The following ASIC2 variants were observed in gnomAD, a reference collection of about 807,000 sequenced individuals.
ASIC2 encodes the protein acid sensing ion channel subunit 2, also known as acid-sensing ion channel 2.
Under a neutral mutation model 57.3 loss-of-function variants are expected in ASIC2, and 25 were observed. That is an observed-to-expected ratio of 0.44 (90% confidence interval 0.32 to 0.61). The LOEUF is 0.61. Ranked by LOEUF, ASIC2 falls within the 20% of genes least tolerant of loss-of-function variation. The probability of loss-of-function intolerance (pLI) is 0.06; values close to 1 mark genes in which losing one functional copy is unlikely to be tolerated. For synonymous variants in ASIC2, 319 were observed against 307.5 expected (o/e 1.04, Z -0.39); for missense variants, 641 against 738.1 (o/e 0.87, Z 1.52).
At chr17:33,092,313 C>T (rs887607568) in intron 2 of ASIC2, among the ~76,000 whole-genome samples, 1 of 152,270 alleles carries the variant, frequency 6.6e-6, no homozygotes, top group Non-Finnish European at 1.5e-5. Flanking sequence ...AAGAGCAGCT[C>T]CCTGCAGTCC....
At chr17:33,663,280 C>T (rs187173136) in intron 1 of ASIC2, among the ~76,000 whole-genome samples, 11 of 152,184 alleles carry the variant, frequency 7.2e-5, no homozygotes, top group Admixed American at 6.5e-4. Flanking sequence ...AAATCCTTGC[C>T]CTTTTGCCTA....
At chr17:33,458,831 A>G (rs1912538309) in intron 1 of ASIC2, among the ~76,000 whole-genome samples, 1 of 152,210 alleles carries the variant, frequency 6.6e-6, no homozygotes, top group African/African-American at 2.4e-5. Flanking sequence ...AAGTATAAGA[A>G]CATAATATCT....
chr17:33,107,992 T>G (rs1790547733), intron 2 of ASIC2, among the ~76,000 whole-genome samples: 1 of 152,212 alleles, frequency 6.6e-6, no homozygotes, highest in South Asian at 2.1e-4. Flanking sequence ...CTGGAGTGTT[T>G]TTTTTGACCA....
At chr17:33,689,610 T>C (rs1004892346) in intron 1 of ASIC2, among the ~76,000 whole-genome samples, 14 of 152,192 alleles carry the variant, frequency 9.2e-5, no homozygotes, top group African/African-American at 3.4e-4. Flanking sequence ...ATTGAGATGA[T>C]TCCCCCTCAC....
intron 1 of ASIC2, among the ~76,000 whole-genome samples, chr17:34,010,690 T>C (rs1216825379): frequency 6.6e-6 from 1 of 150,826 alleles, no homozygotes; most frequent in Non-Finnish European, 1.5e-5. Flanking sequence ...CACAGGGATA[T>C]ACACAGACAT....
chr17:33,180,310 T>C (rs1468517189), intron 1 of ASIC2, among the ~76,000 whole-genome samples: 1 of 152,182 alleles, frequency 6.6e-6, no homozygotes, highest in Non-Finnish European at 1.5e-5. Context: ...ACCAGAACTA[T>C]CCCAGGCCTC....
intron 1 of ASIC2, among the ~76,000 whole-genome samples, chr17:33,124,712 G>A (rs889268589): frequency 1.3e-5 from 2 of 152,180 alleles, no homozygotes; most frequent in Middle Eastern, 3.2e-3. Flanking sequence ...AGAAGGGGGC[G>A]ATGGTTTCGG....
chr17:33,192,291 G>A (rs1275610332), intron 1 of ASIC2, among the ~76,000 whole-genome samples: 2 of 152,144 alleles, frequency 1.3e-5, no homozygotes, highest in Non-Finnish European at 2.9e-5. Flanking sequence ...GCTGAGGCAG[G>A]AGAATTGCTT....
intron 1 of ASIC2, among the ~76,000 whole-genome samples, chr17:33,886,499 T>C (rs1377975530): frequency 6.6e-6 from 1 of 152,114 alleles, no homozygotes; most frequent in East Asian, 1.9e-4. Flanking sequence ...CATGCAATCC[T>C]CATTCAAACA....
intron 1 of ASIC2, among the ~76,000 whole-genome samples, chr17:34,073,404 T>C (rs769989624): frequency 8.5e-5 from 13 of 152,198 alleles, no homozygotes; most frequent in Admixed American, 2.6e-4. Context: ...AAAGTAGAGA[T>C]AGGTTTTGTT....
At chr17:33,362,836 C>G (rs943811847) in intron 1 of ASIC2, among the ~76,000 whole-genome samples, 4 of 152,196 alleles carry the variant, frequency 2.6e-5, no homozygotes, top group African/African-American at 9.6e-5. Context: ...ACTGAATAAG[C>G]AAATGAATGG....
intron 1 of ASIC2, among the ~76,000 whole-genome samples, chr17:33,946,592 T>G (rs574947247): frequency 6.6e-6 from 1 of 152,196 alleles, no homozygotes; most frequent in Non-Finnish European, 1.5e-5. Context: ...GAACGAGACA[T>G]GTTCACTGCC....
intron 1 of ASIC2, among the ~76,000 whole-genome samples, chr17:33,625,123 C>CTT: frequency 1.1e-5 from 1 of 90,564 alleles, no homozygotes; most frequent in Admixed American, 1.1e-4. Context: ...ACAATGTGGC[C>CTT]TCTCTGTCTA....
At chr17:34,029,083 C>G (rs1271830420) in intron 1 of ASIC2, among the ~76,000 whole-genome samples, 1 of 152,142 alleles carries the variant, frequency 6.6e-6, no homozygotes, top group Admixed American at 6.5e-5. Context: ...CTACCTCCCC[C>G]ACAACACCAA....
intron 1 of ASIC2, among the ~76,000 whole-genome samples, chr17:34,015,427 C>A (rs930491800): frequency 6.6e-6 from 1 of 152,160 alleles, no homozygotes; most frequent in African/African-American, 2.4e-5. Context: ...GATTCCAGGC[C>A]AAAGAATGTT....
intron 1 of ASIC2, among the ~76,000 whole-genome samples, chr17:33,628,772 T>A (rs1210976440): frequency 6.6e-6 from 1 of 152,176 alleles, no homozygotes; most frequent in Admixed American, 6.5e-5. Context: ...AATTATTACC[T>A]CCATCTAATA....
chr17:33,366,965 A>G (rs1275109650), intron 1 of ASIC2, among the ~76,000 whole-genome samples: 1 of 152,244 alleles, frequency 6.6e-6, no homozygotes, highest in Non-Finnish European at 1.5e-5. Flanking sequence ...TGTTTCGTGG[A>G]CTAAGCATTC....
chr17:33,625,796 A>T (rs138216786), intron 1 of ASIC2, among the ~76,000 whole-genome samples: 120 of 151,650 alleles, frequency 7.9e-4, no homozygotes, highest in African/African-American at 2.8e-3. Flanking sequence ...CTGGAGAGAG[A>T]GTGGGAAATC....
At chr17:33,375,989 G>A (rs970814461) in intron 1 of ASIC2, among the ~76,000 whole-genome samples, 3 of 152,172 alleles carry the variant, frequency 2.0e-5, no homozygotes, top group Non-Finnish European at 4.4e-5. Flanking sequence ...CATCTGAATG[G>A]AGACGTTGAA....
Sources: allele counts gnomAD v4.1 joint callset (sites outside exome capture counted in the v4.1 genomes callset), GRCh38; gene constraint gnomAD v4.1.1; transcripts MANE v1.5; gene names NCBI Gene and HGNC (gene_info 2026-07-23, HGNC 2026-07-21).